GUCY1A2: variants seen among roughly 807,000 people sequenced by gnomAD.
The protein encoded by GUCY1A2 is guanylate cyclase 1 soluble subunit alpha 2, also known as guanylate cyclase soluble subunit alpha-2.
In GUCY1A2, 27 loss-of-function variants were observed where a neutral mutation model predicts 63.5. The ratio of observed to expected loss-of-function variants is 0.43; its 90% confidence interval spans 0.31 to 0.59. The LOEUF is 0.59. Ranked by LOEUF, GUCY1A2 falls within the 20% of genes least tolerant of loss-of-function variation. The pLI, the probability that GUCY1A2 is intolerant of heterozygous loss-of-function variation, is 0.11. For synonymous variants in GUCY1A2, 364 were observed against 343.5 expected (o/e 1.06, Z -0.66); for missense variants, 768 against 913.3 (o/e 0.84, Z 2.05).
intron 6 of GUCY1A2, among the ~76,000 whole-genome samples, chr11:106,757,384 G>T (rs1863993344): frequency 6.6e-6 from 1 of 152,122 alleles, no homozygotes; most frequent in South Asian, 2.1e-4. Flanking sequence ...ATCCAGTTTT[G>T]TTCCCTTGCT....
chr11:106,839,706 G>C (rs969886782), intron 4 of GUCY1A2, among the ~76,000 whole-genome samples: 7 of 151,922 alleles, frequency 4.6e-5, no homozygotes, highest in Non-Finnish European at 7.4e-5. Context: ...CATGTCCTTT[G>C]TAGGGACATG....
At chr11:106,906,519 G>GAAGACAGT (rs1475125417) in intron 4 of GUCY1A2, among the ~76,000 whole-genome samples, 1 of 151,730 alleles carries the variant, frequency 6.6e-6, no homozygotes, top group Admixed American at 6.6e-5. Flanking sequence ...AACCATTGTG[G>GAAGACAGT]GTGTTCACCC....
At chr11:106,827,655 T>C (rs1423497595) in intron 4 of GUCY1A2, 52 of 1,538,734 alleles carry the variant, frequency 3.4e-5, no homozygotes, top group Non-Finnish European at 4.0e-5. Context: ...AACCTTGATG[T>C]TGGGAAAGCG....
At position 106,708,385 on chromosome 11, in the gene GUCY1A2, G is replaced by C. The variant is rs1284815044; in HGVS notation, c.1991+127C>G. ...CAATTACTATCTATCTTTTGGGTTTGGGCAGTTCTACTCATAATATCTTGG... is the reference window on the plus strand; with the variant it reads ...CAATTACTATCTATCTTTTGGGTTTCGGCAGTTCTACTCATAATATCTTGG... On this transcript the variant is annotated intron_variant, in intron 7 of 7. Coordinates refer to ENST00000526355, the MANE Select transcript of GUCY1A2 (RefSeq NM_000855.3). 7.5e-6 allele frequency: 5 copies of C among 667,542 alleles called. No individual in the cohort carries two copies. In the South Asian group the frequency reaches 1.2e-4, roughly 16 times the overall value. 41.4% of individuals were successfully genotyped at this position (667,542 alleles called of 1,614,324 possible).
At chr11:106,836,019 A>C (rs1321983424) in intron 4 of GUCY1A2, among the ~76,000 whole-genome samples, 1 of 152,046 alleles carries the variant, frequency 6.6e-6, no homozygotes, top group Non-Finnish European at 1.5e-5. Flanking sequence ...TTTTACAAGC[A>C]TCCCAAATGA....
At chr11:106,802,429 G>A (rs547480051) in intron 5 of GUCY1A2, among the ~76,000 whole-genome samples, 3 of 152,052 alleles carry the variant, frequency 2.0e-5, no homozygotes, top group Non-Finnish European at 4.4e-5. Flanking sequence ...TCAATGGGAC[G>A]GTAGCATTTA....
At chr11:106,796,583 AAG>A (rs1864765686) in intron 5 of GUCY1A2, among the ~76,000 whole-genome samples, 1 of 152,126 alleles carries the variant, frequency 6.6e-6, no homozygotes, top group South Asian at 2.1e-4. Flanking sequence ...TCTTTTCTTT[AAG>A]AATGTTGAAT....
intron 4 of GUCY1A2, among the ~76,000 whole-genome samples, chr11:106,908,988 T>G (rs1860253432): frequency 6.6e-6 from 1 of 151,844 alleles, no homozygotes; most frequent in Non-Finnish European, 1.5e-5. Context: ...AGAAGAAAAT[T>G]TGGGCATGGA....
chr11:106,933,714 T>C (rs527469780), intron 4 of GUCY1A2, among the ~76,000 whole-genome samples: 47 of 152,240 alleles, frequency 3.1e-4, no homozygotes, highest in African/African-American at 1.1e-3. Flanking sequence ...CAGTGGTGGA[T>C]TGGATAAAGA....
chr11:106,952,646 G>A (rs574206287), intron 3 of GUCY1A2, among the ~76,000 whole-genome samples: 2 of 138,486 alleles, frequency 1.4e-5, no homozygotes, highest in Non-Finnish European at 3.3e-5. Context: ...GGGCTGAGAT[G>A]ATGAGGGTTT....
At chr11:106,877,710 G>T (rs1320212485) in intron 4 of GUCY1A2, among the ~76,000 whole-genome samples, 5 of 152,176 alleles carry the variant, frequency 3.3e-5, no homozygotes, top group Non-Finnish European at 5.9e-5. Flanking sequence ...CTGGACACAG[G>T]AATGGACAAA....
intron 4 of GUCY1A2, among the ~76,000 whole-genome samples, chr11:106,883,311 CCTT>C (rs1293530770): frequency 2.0e-5 from 3 of 152,046 alleles, no homozygotes; most frequent in Non-Finnish European, 4.4e-5. Context: ...CTCCTGGATG[CCTT>C]TATCTATGTG....
At chr11:106,781,565 G>GT (rs1245550047) in intron 5 of GUCY1A2, among the ~76,000 whole-genome samples, 2 of 151,812 alleles carry the variant, frequency 1.3e-5, no homozygotes, top group Admixed American at 6.6e-5. Context: ...CATTCACCTT[G>GT]TTTTTTTGTT....
At chr11:106,953,531 T>A (rs1860940269) in intron 3 of GUCY1A2, among the ~76,000 whole-genome samples, 1 of 152,232 alleles carries the variant, frequency 6.6e-6, no homozygotes, top group Admixed American at 6.5e-5. Context: ...GATGCTGGCT[T>A]CATAAAATGA....
chr11:106,745,523 T>C (rs1270989259), intron 6 of GUCY1A2, among the ~76,000 whole-genome samples: 1 of 152,216 alleles, frequency 6.6e-6, no homozygotes, highest in African/African-American at 2.4e-5. Context: ...ATTTAGTGAA[T>C]TGAGATTTTA....
intron 1 of GUCY1A2, among the ~76,000 whole-genome samples, chr11:107,008,663 T>A (rs1861704558): frequency 6.6e-6 from 1 of 152,156 alleles, no homozygotes; most frequent in Non-Finnish European, 1.5e-5. Flanking sequence ...AGGATTTCCA[T>A]CTCAAAGAGG....
intron 6 of GUCY1A2, among the ~76,000 whole-genome samples, chr11:106,709,353 T>A (rs1361069965): frequency 1.0e-5 from 1 of 98,820 alleles, no homozygotes; most frequent in Non-Finnish European, 1.8e-5. Context: ...AATTTATATA[T>A]TTTATATAAT....
At chr11:106,935,402 C>T (rs1340749381) in intron 4 of GUCY1A2, among the ~76,000 whole-genome samples, 1 of 152,176 alleles carries the variant, frequency 6.6e-6, no homozygotes, top group Non-Finnish European at 1.5e-5. Context: ...TCCCAAATAA[C>T]TTTCTGAGGT....
chr11:106,917,962 G>T (rs1428259393), intron 4 of GUCY1A2, among the ~76,000 whole-genome samples: 1 of 142,170 alleles, frequency 7.0e-6, no homozygotes, highest in African/African-American at 2.5e-5. Flanking sequence ...AAAGAAATTA[G>T]CAAAGCCCAA....
Sources: allele counts gnomAD v4.1 joint callset (sites outside exome capture counted in the v4.1 genomes callset), GRCh38; gene constraint gnomAD v4.1.1; transcripts MANE v1.5; gene names NCBI Gene and HGNC (gene_info 2026-07-23, HGNC 2026-07-21).